Variants in WWTR1 observed in about 807,000 individuals in gnomAD.
The protein encoded by WWTR1 is WW domain containing transcription regulator 1.
In WWTR1, 13 loss-of-function variants were observed where a neutral mutation model predicts 40.1. That is an observed-to-expected ratio of 0.32 (90% CI 0.21 to 0.52). WWTR1 has a LOEUF of 0.52. WWTR1 is among the 20% of genes least tolerant of loss of function. The probability of loss-of-function intolerance (pLI) is 0.97; values close to 1 mark genes in which losing one functional copy is unlikely to be tolerated. For synonymous variants in WWTR1, 230 were observed against 210.1 expected (o/e 1.09, Z -0.82); for missense variants, 436 against 523.1 (o/e 0.83, Z 1.63).
chr3:149,666,566 A>T (rs1274550213), intron 2 of WWTR1, among the ~76,000 whole-genome samples: 1 of 152,222 alleles, frequency 6.6e-6, no homozygotes, highest in Non-Finnish European at 1.5e-5. Flanking sequence ...CTATGGCAAT[A>T]ATAATAAATC....
intron 2 of WWTR1, among the ~76,000 whole-genome samples, chr3:149,603,078 ACTTTGGGCAAGAATTTTTAAGATCT>A (rs1448115451): frequency 6.6e-5 from 10 of 152,176 alleles, no homozygotes; most frequent in Non-Finnish European, 1.5e-4. Flanking sequence ...AAAACTATTA[ACTTTGGGCAAGAATTTTTAAGATCT>A]GATAAGAGGA....
At chr3:149,523,878 C>A (rs1456802587) in intron 6 of WWTR1, among the ~76,000 whole-genome samples, 2 of 152,246 alleles carry the variant, frequency 1.3e-5, no homozygotes, top group Non-Finnish European at 2.9e-5. Flanking sequence ...ACAGAGGTGG[C>A]CCCACACTCA....
chr3:149,713,300 G>GA (rs1250397097), intron 5 of WWTR1, among the ~76,000 whole-genome samples: 1 of 151,888 alleles, frequency 6.6e-6, no homozygotes, highest in African/African-American at 2.4e-5. Context: ...TGCCAATTCT[G>GA]AAAAAAATAA....
At chr3:149,618,022 G>A (rs1037141890) in intron 2 of WWTR1, among the ~76,000 whole-genome samples, 2 of 152,288 alleles carry the variant, frequency 1.3e-5, no homozygotes, top group South Asian at 4.1e-4. Flanking sequence ...GATAGACTAT[G>A]GGAGATTTTT....
intron 2 of WWTR1, among the ~76,000 whole-genome samples, chr3:149,647,270 A>T (rs528745885): frequency 2.0e-5 from 3 of 152,330 alleles, no homozygotes; most frequent in African/African-American, 7.2e-5. Flanking sequence ...GGTTCTTGGT[A>T]TTTAAATGTA....
chr3:149,699,637 GA>G (rs1715107353), intron 1 of WWTR1, among the ~76,000 whole-genome samples: 1 of 152,108 alleles, frequency 6.6e-6, no homozygotes, highest in Non-Finnish European at 1.5e-5. Context: ...CCTAGGGCAT[GA>G]ACACAATAAA....
chr3:149,718,516 G>A (rs1715667405), intron 4 of WWTR1, among the ~76,000 whole-genome samples: 1 of 152,138 alleles, frequency 6.6e-6, no homozygotes, highest in South Asian at 2.1e-4. Flanking sequence ...ATTTTTAAGT[G>A]CACAGCTGAG....
In WWTR1 at chr3:149,532,138, G is replaced by A. The variant is rs184810569; in HGVS notation, c.772-4169C>T. 1.8e-4 allele frequency among the ~76,000 whole-genome samples: 27 copies of A among 152,250 alleles called. 3 individuals carry two copies. The East Asian group carries it at 2.7e-3, about 15-fold the overall frequency. ...TTCATTTGTAAAGTGGGGATAATAA[G>A]AGCACCCACCCAAGAAGGCTGCTGT... On this transcript the variant is annotated intron_variant, in intron 4 of 6. Transcript: ENST00000360632.
At chr3:149,604,851 C>T (rs1318468918) in intron 2 of WWTR1, among the ~76,000 whole-genome samples, 1 of 152,192 alleles carries the variant, frequency 6.6e-6, no homozygotes, top group African/African-American at 2.4e-5. Context: ...GAGAAAGGCC[C>T]ACACAGAAGC....
intron 2 of WWTR1, among the ~76,000 whole-genome samples, chr3:149,587,578 A>G (rs1738488413): frequency 6.6e-6 from 1 of 152,230 alleles, no homozygotes; most frequent in African/African-American, 2.4e-5. Flanking sequence ...TTTAATTGAC[A>G]GGAAGTTTTT....
intron 2 of WWTR1, among the ~76,000 whole-genome samples, chr3:149,621,949 C>T (rs1163590388): frequency 6.6e-6 from 1 of 152,156 alleles, no homozygotes; most frequent in Non-Finnish European, 1.5e-5. Flanking sequence ...AATCATTGAA[C>T]TTTCCTTATC....
chr3:149,724,535 T>C (rs935364224), intron 3 of WWTR1, among the ~76,000 whole-genome samples: 6 of 149,306 alleles, frequency 4.0e-5, no homozygotes, highest in African/African-American at 1.5e-4. Flanking sequence ...TCCTTTCCAA[T>C]GGTTTGAGAA....
At chr3:149,628,444 G>A (rs1057315595) in intron 2 of WWTR1, among the ~76,000 whole-genome samples, 11 of 149,692 alleles carry the variant, frequency 7.3e-5, no homozygotes, top group Non-Finnish European at 1.5e-4. Context: ...TTGCAACAAG[G>A]AAACTCAAAC....
At chr3:149,662,052 G>A (rs1312060971), upstream of WWTR1, among the ~76,000 whole-genome samples, 1 of 152,046 alleles carries the variant, frequency 6.6e-6, no homozygotes, top group East Asian at 1.9e-4. Context: ...TTAACACAAA[G>A]CCTGCTTAAC....
At chr3:149,686,855 T>C (rs1484424251) in intron 1 of WWTR1, among the ~76,000 whole-genome samples, 1 of 152,188 alleles carries the variant, frequency 6.6e-6, no homozygotes, top group African/African-American at 2.4e-5. Flanking sequence ...ACCCCGCTTC[T>C]GAACTATGGG....
upstream of WWTR1, among the ~76,000 whole-genome samples, chr3:149,704,423 G>A (rs1715278644): frequency 6.6e-6 from 1 of 152,162 alleles, no homozygotes; most frequent in Non-Finnish European, 1.5e-5. Context: ...GCAGTTTAGT[G>A]ACTGCTGCAG....
chr3:149,694,156 G>A (rs2108216155), intron 1 of WWTR1, among the ~76,000 whole-genome samples: 1 of 152,320 alleles, frequency 6.6e-6, no homozygotes, highest in South Asian at 2.1e-4. Context: ...CACTTTGGGA[G>A]GCCGAGGCAG....
upstream of WWTR1, chr3:149,658,065 G>A (rs1713369778): frequency 3.3e-5 from 5 of 152,608 alleles, no homozygotes; most frequent in Admixed American, 3.3e-4. Flanking sequence ...CCACCCCCAG[G>A]AAAGAGGCGG....
chr3:149,691,744 C>T (rs1033126205), intron 1 of WWTR1, among the ~76,000 whole-genome samples: 2 of 152,126 alleles, frequency 1.3e-5, no homozygotes, highest in African/African-American at 2.4e-5. Flanking sequence ...AGGCCGGGCG[C>T]GGTGGCTCAT....
Sources: allele counts gnomAD v4.1 joint callset (sites outside exome capture counted in the v4.1 genomes callset), GRCh38; gene constraint gnomAD v4.1.1; transcripts MANE v1.5; gene names NCBI Gene and HGNC (gene_info 2026-07-23, HGNC 2026-07-21).